ELAC2: variants seen among roughly 807,000 people sequenced by gnomAD.
ELAC2 encodes the protein zinc phosphodiesterase ELAC protein 2.
ELAC2 carries 92 observed loss-of-function variants against 105.2 expected under a neutral mutation model. The observed-to-expected ratio is 0.87, with a 90% CI of 0.74 to 1.04. The LOEUF is 1.04. ELAC2 is among the 50% of genes least tolerant of loss of function. The pLI is 0.00. For missense variants in ELAC2, 1,099 were observed against 1,071.7 expected, an observed-to-expected ratio of 1.03 and a Z score of -0.36; for synonymous variants, 468 against 409.1, an observed-to-expected ratio of 1.14 and a Z score of -1.74.
In ELAC2 at chr17:13,012,947, T is replaced by C. The variant is rs538132354; in HGVS notation, c.559+260A>G. 2.6e-5 allele frequency among the ~76,000 whole-genome samples: 4 copies of C among 152,336 alleles called. No individual in the cohort carries two copies. The East Asian group carries it at 7.7e-4, about 29-fold the overall frequency. ...ACCTCCAAGCAATGAATGTGCAAAC[T>C]TGAATGCAATCTATTTACCAACAGT... On this transcript the variant is annotated intron_variant, in intron 6 of 23. Transcript: ENST00000338034.
At chr17:13,011,626 A>T (rs1194537600) in intron 7 of ELAC2, 37 bp downstream of exon 7, 1 of 1,614,030 alleles carries the variant, frequency 6.2e-7, no homozygotes. Context: ...AAGAAAACGC[A>T]AGCCTTTCTG....
In ELAC2 at chr17:13,005,999, G is replaced by A. The variant is rs769307893; in HGVS notation, c.739-20C>T. On this transcript the variant is annotated intron_variant, in intron 8 of 23. Transcript: ENST00000338034. ...GTGAAGCTGCAACAAAGAGAACATA[G>A]ATGTGATCTTAGGGGCTAATGAAGA... 22 of 1,612,740 alleles carry A rather than the reference G, an allele frequency of 1.4e-5. 2 individuals carry two copies. In the South Asian group the frequency reaches 2.2e-4, roughly 16 times the overall value.
intron 12 of ELAC2, 152 bp from the exon 13 acceptor site, chr17:13,002,731 T>G: frequency 2.4e-6 from 3 of 1,253,326 alleles, no homozygotes; most frequent in Non-Finnish European, 2.2e-6. Context: ...CCAAACATGG[T>G]CCCACTCCTG....
At position 12,992,818 on chromosome 17, in the gene ELAC2, T is replaced by C. The variant is rs574860371; in HGVS notation, c.2481A>G (p.Ter827TrpextTer6). 1 of 1,611,268 alleles carries C rather than the reference T, an allele frequency of 6.2e-7. No individual in the cohort carries two copies. The highest frequency in any genetic ancestry group is 8.5e-7 in the Non-Finnish European group (1 of 1,178,182). ...TCTGAGTTCAGGGTCTCCCAGATCT[T>C]CACTGGGCTCTGACCTTCTTGGCCT... is the stretch of plus-strand genomic sequence containing the variant. ...EPQAKKVRAQ[*>W] Residue 827 changes from the stop codon to tryptophan, a stop_lost, in exon 24 of 24, where the codon TGA becomes TGG. Transcript: ENST00000338034.
chr17:12,996,168 C>T (rs1043395067), intron 17 of ELAC2, 190 bp from the exon 18 acceptor site: 4 of 719,940 alleles, frequency 5.6e-6, no homozygotes, highest in African/African-American at 3.5e-5. Context: ...AGGCAGAAAG[C>T]GACACGACCC....
chr17:13,016,862 C>A lies in ELAC2; in HGVS notation c.367G>T (p.Gly123Ter), dbSNP rs1306381810. The change falls in exon 3 of 24, where the codon GGA becomes TGA. Residue 123 changes from glycine to a stop codon, truncating the protein, a stop_gained and splice_region_variant. Transcript: ENST00000338034. LOFTEE classifies it high-confidence loss of function. ...CTGACACTGCAAAGAATATACTCAC[C>A]ACTTAAGCCCCCAACATTAGACCAG... ...MHWSNVGGLS[G>*]MILTLKETGL... The A allele has an allele frequency of 6.2e-7, 1 of 1,613,998 alleles. No homozygotes were observed. The highest frequency in any genetic ancestry group is 8.5e-7 in the Non-Finnish European group (1 of 1,179,988).
chr17:13,002,847 G>A (rs2040894551), intron 12 of ELAC2: 4 of 517,622 alleles, frequency 7.7e-6, no homozygotes, highest in East Asian at 3.6e-5. Context: ...ACAAATAGGG[G>A]ACCCAAACCC....
chr17:12,997,453 GTC>G (rs2040533737), intron 16 of ELAC2, among the ~76,000 whole-genome samples: 1 of 152,176 alleles, frequency 6.6e-6, no homozygotes, highest in Non-Finnish European at 1.5e-5. Flanking sequence ...GGAAAAAGGA[GTC>G]GGGAGGCGGA....
Position 12,992,844 on chromosome 17 carries a change from G to A in ELAC2, c.2455C>T (p.Gln819Ter), listed in dbSNP as rs1439706479. Residue 819 changes from glutamine to a stop codon, truncating the protein, a stop_gained, in exon 24 of 24, where the codon CAG becomes TAG. Transcript: ENST00000338034. LOFTEE classifies it high-confidence loss of function. The stretch of plus-strand genomic sequence containing the variant: ...CACTGGGCTCTGACCTTCTTGGCCT[G>A]TGGCTCCTCTGTGTGGGCCCGCTTC... Reference protein sequence around the residue: ...QQKRAHTEEPQAKKVRAQ With the variant: ...QQKRAHTEEP 9.9e-6 allele frequency: 16 copies of A among 1,610,748 alleles called. No homozygotes were observed. The highest frequency in any genetic ancestry group is 1.3e-5 in the African/African-American group (1 of 74,872).
rs201700166 is a variant in ELAC2, at chr17:12,992,890, C to T, written c.2409G>A (p.Leu803=). The change falls in exon 24 of 24, where the codon CTG becomes CTA. Residue 803 remains leucine, a synonymous_variant. Coordinates refer to ENST00000338034, the MANE Select transcript of ELAC2 (RefSeq NM_018127.7). ...ALLSRELAGG[L]EDGEPQQKRA... Reference sequence around the variant, plus strand: ...GCTTCTGCTGAGGCTCCCCATCCTCCAGGCCGCCTGCCAGCTCCCTGGACA... The same window carrying T: ...GCTTCTGCTGAGGCTCCCCATCCTCTAGGCCGCCTGCCAGCTCCCTGGACA... The T allele has an allele frequency of 1.4e-4, 229 of 1,612,652 alleles. 2 individuals are homozygous for T. The highest frequency in any genetic ancestry group is 5.0e-4 in the Admixed American group (30 of 60,030).
rs377410058 is a variant in ELAC2, at chr17:13,017,162, T to G, written c.246-41A>C. 4 of 1,545,360 alleles carry G rather than the reference T, an allele frequency of 2.6e-6. No homozygotes were observed. The African/African-American group carries it at 5.4e-5, about 21-fold the overall frequency. Reference sequence around the variant, plus strand: ...TACACAAGACATTCAGAAGGTTTTATTCTGTAAACTCTCTGACACCAATTA... The same window carrying G: ...TACACAAGACATTCAGAAGGTTTTAGTCTGTAAACTCTCTGACACCAATTA... On this transcript the variant is annotated intron_variant, in intron 1 of 23. Coordinates refer to ENST00000338034, the MANE Select transcript of ELAC2 (RefSeq NM_018127.7).
chr17:13,013,405 A>T, intron 5 of ELAC2, 130 bp from the exon 6 acceptor site: 2 of 959,822 alleles, frequency 2.1e-6, no homozygotes, highest in Non-Finnish European at 3.3e-6. Flanking sequence ...CACGAAAACC[A>T]GACTTTCTAA....
rs1180992577 is a variant in ELAC2, at chr17:12,996,699, G to A, written c.1521-14C>T. 17 of 1,611,762 alleles carry A rather than the reference G, an allele frequency of 1.1e-5. 2 individuals carry two copies. The Admixed American group carries it at 1.8e-4, about 17-fold the overall frequency. ...GACGTGTCGGGGCTGCAGAAGAGAA[G>A]AGGAAGAGAGTCACTGCCACTAGGA... On this transcript the variant is annotated splice_polypyrimidine_tract_variant and intron_variant, in intron 16 of 23. Coordinates refer to ENST00000338034, the MANE Select transcript of ELAC2 (RefSeq NM_018127.7).
rs773543853 is a variant in ELAC2 at position 13,017,788 on chromosome 17, C to T, written c.160G>A (p.Gly54Ser). The T allele has an allele frequency of 6.8e-6, 11 of 1,608,690 alleles. No homozygotes were observed. The highest frequency in any genetic ancestry group is 2.2e-5 in the South Asian group (2 of 90,428). Residue 54 changes from glycine (G) to serine (S), a missense_variant, in exon 1 of 24, where the codon GGC (glycine) becomes AGC (serine). Transcript: ENST00000338034. ...ACCTGCAGGTACACGGTGTTTGGGC[C>T]GCCGGAGCACCCCGACGGTCCGCGC... is the stretch of plus-strand genomic sequence containing the variant. ...EKRGPSGCSGGPNTVYLQVVA... is the reference protein window; with the variant it reads ...EKRGPSGCSGSPNTVYLQVVA...
Position 12,992,894 on chromosome 17 carries a change from C to T in ELAC2, c.2405G>A (p.Gly802Asp), listed in dbSNP as rs2143539606. The T allele has an allele frequency of 6.2e-7, 1 of 1,612,366 alleles. No individual in the cohort carries two copies. Residue 802 changes from glycine to aspartate, a missense_variant, in exon 24 of 24, where the codon GGC (glycine) becomes GAC (aspartate). By Grantham distance (94) the Gly-to-Asp change is moderately conservative. Coordinates refer to ENST00000338034, the MANE Select transcript of ELAC2 (RefSeq NM_018127.7). ...CTGCTGAGGCTCCCCATCCTCCAGG[C>T]CGCCTGCCAGCTCCCTGGACAGGAG... ...AALLSRELAG[G>D]LEDGEPQQKR...
intron 23 of ELAC2, 56 bp from the exon 24 acceptor site, chr17:12,993,101 A>G: frequency 6.5e-7 from 1 of 1,540,970 alleles, no homozygotes; most frequent in Non-Finnish European, 8.9e-7. Context: ...GGTGGGGGAC[A>G]GGAGCTGGAA....
chr17:13,003,288 A>G (rs1330100356), intron 12 of ELAC2, among the ~76,000 whole-genome samples, 191 bp downstream of exon 12: 2 of 152,184 alleles, frequency 1.3e-5, no homozygotes, highest in African/African-American at 4.8e-5. Flanking sequence ...TGCGCCACCT[A>G]GCGGTGCATT....
intron 12 of ELAC2, 179 bp downstream of exon 12, chr17:13,003,300 T>C: frequency 1.5e-6 from 1 of 669,154 alleles, no homozygotes; most frequent in Non-Finnish European, 2.7e-6. Context: ...CGGTGCATTT[T>C]CTTCACGAGT....
At position 12,994,994 on chromosome 17, in the gene ELAC2, C is replaced by G. The variant is rs774691850; in HGVS notation, c.1877G>C (p.Ser626Thr). Residue 626 changes from serine to threonine, a missense_variant, in exon 20 of 24, where the codon AGT (serine) becomes ACT (threonine). By Grantham distance (58) the Ser-to-Thr change is moderately conservative (BLOSUM62 1). Coordinates refer to ENST00000338034, the MANE Select transcript of ELAC2 (RefSeq NM_018127.7). The part of the protein sequence containing the change: ...ISSPAVERLI[S>T]SLLRTCDLEE... Reference sequence around the variant, plus strand: ...CAAATCACATGTTCGCAACAGCGAACTGATCAATCTTTCCACTGCAGGACT... The same window carrying G: ...CAAATCACATGTTCGCAACAGCGAAGTGATCAATCTTTCCACTGCAGGACT... 1.2e-6 allele frequency: 2 copies of G among 1,614,236 alleles called. No homozygotes were observed. The highest frequency in any genetic ancestry group is 1.7e-5 in the Admixed American group (1 of 60,032).
Sources: gnomAD v4.1 joint callset for allele counts (sites outside exome capture counted in the v4.1 genomes callset) on GRCh38, gnomAD v4.1.1 for gene constraint, MANE v1.5 for transcripts, NCBI Gene and HGNC (gene_info 2026-07-23, HGNC 2026-07-21) for gene names.